SORCS2: variants seen among roughly 807,000 people sequenced by gnomAD.
SORCS2 encodes the protein VPS10 domain-containing receptor SorCS2.
In SORCS2, 100 loss-of-function variants were observed where a neutral mutation model predicts 141.6. The ratio of observed to expected loss-of-function variants is 0.71; its 90% CI spans 0.60 to 0.83. The LOEUF is 0.83. Ranked by LOEUF, SORCS2 falls within the 40% of genes least tolerant of loss-of-function variation. The pLI, the probability that SORCS2 is intolerant of heterozygous loss-of-function variation, is 0.00. For missense variants in SORCS2, 1,646 were observed against 1,560.2 expected (o/e 1.05, Z -0.93); for synonymous variants, 789 against 676.9 (o/e 1.17, Z -2.57).
chr4:7,257,023 A>G (rs892021407), intron 1 of SORCS2, among the ~76,000 whole-genome samples: 1 of 152,174 alleles, frequency 6.6e-6, no homozygotes, highest in Non-Finnish European at 1.5e-5. Flanking sequence ...GAGAAGCTCA[A>G]TAGGAACTTC....
intron 22 of SORCS2, 53 bp downstream of exon 22, chr4:7,728,515 A>G: frequency 7.2e-7 from 1 of 1,393,404 alleles, no homozygotes; most frequent in Non-Finnish European, 9.8e-7. Context: ...TCCGGCATCC[A>G]GAGAAGCCCA....
chr4:7,677,931 G>A lies in SORCS2; in HGVS notation c.1341+1702G>A, dbSNP rs1051314714. ...CTAGTTCCAGCACAGACCTGCCTCC[G>A]GAAGGCAGTGGGTGGGTGGTGATGG... On this transcript the variant is annotated intron_variant, in intron 9 of 26. Coordinates refer to ENST00000507866, the MANE Select transcript of SORCS2 (RefSeq NM_020777.3). Among the ~76,000 whole-genome samples, 8 of 152,124 alleles carry A rather than the reference G, an allele frequency of 5.3e-5. No homozygotes were observed. In the South Asian group the frequency reaches 6.2e-4, roughly 12 times the overall value.
At chr4:7,703,447 C>G in intron 13 of SORCS2, 76 bp downstream of exon 13, 1 of 1,206,026 alleles carries the variant, frequency 8.3e-7, no homozygotes, top group Non-Finnish European at 1.2e-6. Context: ...CCCTCTCAGA[C>G]TAGTCCCCAG....
chr4:7,549,307 G>A (rs1171799922), intron 3 of SORCS2, among the ~76,000 whole-genome samples: 2 of 152,070 alleles, frequency 1.3e-5, no homozygotes, highest in Non-Finnish European at 2.9e-5. Context: ...CTATCGATTT[G>A]AAGCTTGAAA....
At chr4:7,467,475 C>T (rs76195301) in intron 2 of SORCS2, among the ~76,000 whole-genome samples, 1,696 of 152,306 alleles carry the variant, frequency 0.011, 30 homozygotes, top group African/African-American at 0.038. Context: ...CTCTGGCCTC[C>T]GAGTCAAGTG....
intron 1 of SORCS2, among the ~76,000 whole-genome samples, chr4:7,324,241 G>A (rs1407570419): frequency 6.6e-6 from 1 of 152,236 alleles, no homozygotes; most frequent in African/African-American, 2.4e-5. Flanking sequence ...TCCCACCTGG[G>A]TGTCTTGCAA....
At chr4:7,633,184 C>T (rs1304396629) in intron 3 of SORCS2, among the ~76,000 whole-genome samples, 2 of 152,136 alleles carry the variant, frequency 1.3e-5, no homozygotes, top group Non-Finnish European at 2.9e-5. Flanking sequence ...TCCCACTGTG[C>T]ATTCCACCCA....
intron 4 of SORCS2, among the ~76,000 whole-genome samples, chr4:7,641,409 T>C: frequency 6.6e-6 from 1 of 152,170 alleles, no homozygotes; most frequent in East Asian, 1.9e-4. Flanking sequence ...TCACTCATTA[T>C]CACACAAGAA....
At chr4:7,420,326 T>C (rs1414540619) in intron 2 of SORCS2, among the ~76,000 whole-genome samples, 1 of 152,126 alleles carries the variant, frequency 6.6e-6, no homozygotes, top group Non-Finnish European at 1.5e-5. Flanking sequence ...ATCTGTAAAA[T>C]GGGCACAGTG....
In SORCS2 at chr4:7,718,126, C is replaced by T. The variant is rs573131868; in HGVS notation, c.2367C>T (p.Gly789=). The T allele has an allele frequency of 8.7e-5, 141 of 1,611,912 alleles. 2 individuals carry two copies. The highest frequency in any genetic ancestry group is 6.4e-4 in the South Asian group (58 of 90,716). The part of the protein sequence containing the change: ...PPRGLQVSIQ[G]EAVAVRPGED... ...GGGGCCTGCAGGTCAGCATTCAAGG[C>T]GAGGCGGTGGCCGTGCGGCCTGGAG... Residue 789 remains glycine, a synonymous_variant, in exon 18 of 27, where the codon GGC becomes GGT. Transcript: ENST00000507866.
At chr4:7,355,281 G>T (rs1283420084) in intron 1 of SORCS2, among the ~76,000 whole-genome samples, 2 of 151,972 alleles carry the variant, frequency 1.3e-5, no homozygotes, top group Non-Finnish European at 2.9e-5. Context: ...GCCCTTCCGG[G>T]TTTATGGCAT....
chr4:7,471,684 C>T (rs1227264299), intron 2 of SORCS2, among the ~76,000 whole-genome samples: 5 of 152,236 alleles, frequency 3.3e-5, no homozygotes, highest in African/African-American at 1.2e-4. Flanking sequence ...CGAGTGAAGG[C>T]CTGTTCCGGG....
intron 3 of SORCS2, among the ~76,000 whole-genome samples, chr4:7,571,181 G>T (rs757456076): frequency 2.6e-5 from 4 of 152,198 alleles, no homozygotes; most frequent in Non-Finnish European, 4.4e-5. Context: ...GCATTTACTC[G>T]TTAGGTTTTT....
At chr4:7,303,139 T>G (rs1717554203) in intron 1 of SORCS2, among the ~76,000 whole-genome samples, 1 of 152,112 alleles carries the variant, frequency 6.6e-6, no homozygotes, top group Non-Finnish European at 1.5e-5. Flanking sequence ...TTTTCAAAAT[T>G]AGTGCGCCCA....
rs530337113 is a variant in SORCS2 at position 7,475,172 on chromosome 4, C to T, written c.549-56358C>T. On this transcript the variant is annotated intron_variant, in intron 2 of 26. Coordinates refer to ENST00000507866, the MANE Select transcript of SORCS2 (RefSeq NM_020777.3). ...AAAACATTCCTTTGAGAAGTGGATC[C>T]TTATGGCTGGAGGTTGGGGGCATAG... is the stretch of plus-strand genomic sequence containing the variant. Among the ~76,000 whole-genome samples, 14 of 152,244 alleles carry T rather than the reference C, an allele frequency of 9.2e-5. No individual in the cohort carries two copies. In the South Asian group the frequency reaches 2.1e-3, roughly 23 times the overall value.
At chr4:7,432,372 G>A (rs920118755) in intron 2 of SORCS2, 13 of 152,070 alleles carry the variant, frequency 8.5e-5, no homozygotes, top group African/African-American at 2.7e-4. Context: ...TGCCGGTCTC[G>A]GGGGAAAGGG....
intron 3 of SORCS2, among the ~76,000 whole-genome samples, chr4:7,548,833 A>G (rs1363796859): frequency 6.6e-6 from 1 of 152,200 alleles, no homozygotes; most frequent in African/African-American, 2.4e-5. Context: ...CACATCTAAC[A>G]TGAGACACTG....
intron 2 of SORCS2, among the ~76,000 whole-genome samples, chr4:7,407,885 A>C (rs1290433444): frequency 6.6e-6 from 1 of 152,138 alleles, no homozygotes; most frequent in East Asian, 1.9e-4. Context: ...TTATAAAATC[A>C]TATAGCATGT....
At chr4:7,629,356 G>A (rs1486436448) in intron 3 of SORCS2, among the ~76,000 whole-genome samples, 1 of 152,170 alleles carries the variant, frequency 6.6e-6, no homozygotes, top group Admixed American at 6.5e-5. Context: ...GCCTGAGGCT[G>A]GGGTGGCCAG....
Sources: gnomAD v4.1 joint callset for allele counts (sites outside exome capture counted in the v4.1 genomes callset) on GRCh38, gnomAD v4.1.1 for gene constraint, MANE v1.5 for transcripts, NCBI Gene and HGNC (gene_info 2026-07-23, HGNC 2026-07-21) for gene names.